Variants in TMPRSS11F observed in about 807,000 individuals in gnomAD.
TMPRSS11F encodes the protein transmembrane serine protease 11F.
In TMPRSS11F, 47 loss-of-function variants were observed where a neutral mutation model predicts 60.2. The observed-to-expected ratio is 0.78, with a 90% CI of 0.62 to 1.00. TMPRSS11F has a LOEUF of 1.00. Among genes scored for constraint, TMPRSS11F ranks in the 50% least tolerant of loss-of-function variants. TMPRSS11F has a pLI of 0.00. For missense variants in TMPRSS11F, 519 were observed against 522.9 expected, an observed-to-expected ratio of 0.99 and a Z score of 0.07; for synonymous variants, 166 against 167.3, an observed-to-expected ratio of 0.99 and a Z score of 0.06.
chr4:68,055,711 A>T (rs1449957071), intron 9 of TMPRSS11F, among the ~76,000 whole-genome samples: 1 of 152,128 alleles, frequency 6.6e-6, no homozygotes, highest in Non-Finnish European at 1.5e-5. Flanking sequence ...ATACTCCCAA[A>T]CTCATTTGAC....
At chr4:68,069,560 G>A (rs1723406478) in intron 6 of TMPRSS11F, among the ~76,000 whole-genome samples, 1 of 152,016 alleles carries the variant, frequency 6.6e-6, no homozygotes, top group African/African-American at 2.4e-5. Context: ...GGAATGTGGG[G>A]TGCAGGGCAG....
chr4:68,106,776 T>C (rs1724309114), intron 1 of TMPRSS11F, among the ~76,000 whole-genome samples: 1 of 152,180 alleles, frequency 6.6e-6, no homozygotes, highest in Non-Finnish European at 1.5e-5. Context: ...TGGGGGAAAA[T>C]ATTAAATCTT....
chr4:68,062,963 G>C (rs764262093), intron 8 of TMPRSS11F: 2 of 738,488 alleles, frequency 2.7e-6, no homozygotes, highest in Non-Finnish European at 5.0e-6. Context: ...TTCTGGAACT[G>C]ACCCGTCTTC....
chr4:68,075,990 C>T (rs748732553), intron 3 of TMPRSS11F, among the ~76,000 whole-genome samples: 1 of 148,456 alleles, frequency 6.7e-6, no homozygotes, highest in Non-Finnish European at 1.5e-5. Context: ...GAGACTCTGT[C>T]TCCAAAAAAA....
intron 2 of TMPRSS11F, among the ~76,000 whole-genome samples, chr4:68,091,356 C>A (rs376025567): frequency 6.6e-6 from 1 of 152,034 alleles, no homozygotes; most frequent in South Asian, 2.1e-4. Context: ...CACCCTTCTC[C>A]TTGGCATTCA....
chr4:68,124,986 T>C (rs1335767833), intron 1 of TMPRSS11F, among the ~76,000 whole-genome samples: 2 of 116,914 alleles, frequency 1.7e-5, no homozygotes, highest in Non-Finnish European at 3.6e-5. Context: ...CAAAAGACTT[T>C]TCAATCCTTG....
At chr4:68,075,990 C>A (rs748732553) in intron 3 of TMPRSS11F, among the ~76,000 whole-genome samples, 135 of 148,454 alleles carry the variant, frequency 9.1e-4, no homozygotes, top group Non-Finnish European at 1.5e-3. Flanking sequence ...GAGACTCTGT[C>A]TCCAAAAAAA....
chr4:68,073,441 G>A lies in TMPRSS11F; in HGVS notation c.350+501C>T, dbSNP rs112300286. Reference sequence around the variant, plus strand: ...AAGGAGAAAGGGAAAGAAGGAGAGAGGGAGGAGAGAAAAGTGGAAAGGAGA... The same window carrying A: ...AAGGAGAAAGGGAAAGAAGGAGAGAAGGAGGAGAGAAAAGTGGAAAGGAGA... On this transcript the variant is annotated intron_variant, in intron 4 of 9. Coordinates refer to ENST00000356291, the MANE Select transcript of TMPRSS11F (RefSeq NM_207407.2). 5.1e-3 allele frequency among the ~76,000 whole-genome samples: 771 copies of A among 151,940 alleles called. 9 individuals carry two copies. The highest frequency in any genetic ancestry group is 0.018 in the African/African-American group (751 of 41,442).
intron 3 of TMPRSS11F, among the ~76,000 whole-genome samples, chr4:68,079,620 A>G (rs1723652299): frequency 6.6e-6 from 1 of 152,198 alleles, no homozygotes; most frequent in South Asian, 2.1e-4. Flanking sequence ...AAACTCAGTA[A>G]TATAATGCTT....
chr4:68,100,567 G>C (rs1295160135), intron 1 of TMPRSS11F, among the ~76,000 whole-genome samples: 1 of 152,044 alleles, frequency 6.6e-6, no homozygotes, highest in African/African-American at 2.4e-5. Context: ...AAGGATTAAT[G>C]GCCCACTTGT....
intron 8 of TMPRSS11F, chr4:68,062,151 A>C: frequency 2.3e-6 from 1 of 432,378 alleles, no homozygotes; most frequent in Non-Finnish European, 4.5e-6. Context: ...ATGTTTTATA[A>C]ATAATATGTA....
At chr4:68,094,571 A>AT (rs1724032609) in intron 2 of TMPRSS11F, among the ~76,000 whole-genome samples, 3 of 147,764 alleles carry the variant, frequency 2.0e-5, no homozygotes, top group Admixed American at 2.0e-4. Flanking sequence ...AATAAATTTA[A>AT]AAATAAATAA....
At chr4:68,100,262 T>A (rs565909524) in intron 1 of TMPRSS11F, among the ~76,000 whole-genome samples, 1 of 152,254 alleles carries the variant, frequency 6.6e-6, no homozygotes, top group South Asian at 2.1e-4. Context: ...ACTGGGAGTC[T>A]CATAACCCAA....
chr4:68,128,777 A>G (rs1724762874), intron 1 of TMPRSS11F, among the ~76,000 whole-genome samples: 1 of 152,130 alleles, frequency 6.6e-6, no homozygotes, highest in Non-Finnish European at 1.5e-5. Context: ...TGTTGTATTT[A>G]GTAAGAAGTA....
chr4:68,122,342 T>G (rs1184250356), intron 1 of TMPRSS11F, among the ~76,000 whole-genome samples: 1 of 152,158 alleles, frequency 6.6e-6, no homozygotes, highest in Non-Finnish European at 1.5e-5. Flanking sequence ...TCTATTTGCA[T>G]GAAAATCCAT....
intron 3 of TMPRSS11F, among the ~76,000 whole-genome samples, chr4:68,087,281 T>C (rs1577922660): frequency 6.6e-6 from 1 of 152,236 alleles, no homozygotes; most frequent in African/African-American, 2.4e-5. Flanking sequence ...TCCCAATAGA[T>C]GCAGAAAAAG....
At chr4:68,073,775 C>T (rs572163892) in intron 4 of TMPRSS11F, among the ~76,000 whole-genome samples, 167 bp downstream of exon 4, 4 of 152,256 alleles carry the variant, frequency 2.6e-5, no homozygotes, top group African/African-American at 7.2e-5. Flanking sequence ...AAGCACCTTA[C>T]GACTTTCTAT....
intron 1 of TMPRSS11F, among the ~76,000 whole-genome samples, chr4:68,103,724 G>A (rs1290197198): frequency 1.3e-5 from 2 of 152,068 alleles, no homozygotes; most frequent in African/African-American, 4.8e-5. Flanking sequence ...TAGGGATTGT[G>A]TTAGATCTAT....
intron 3 of TMPRSS11F, among the ~76,000 whole-genome samples, chr4:68,076,284 A>C (rs183654110): frequency 5.6e-4 from 86 of 152,350 alleles, no homozygotes; most frequent in African/African-American, 2.0e-3. Flanking sequence ...TTTCTGCTTT[A>C]ACTATAGTCA....
Sources: gnomAD v4.1 joint callset for allele counts (sites outside exome capture counted in the v4.1 genomes callset) on GRCh38, gnomAD v4.1.1 for gene constraint, MANE v1.5 for transcripts, NCBI Gene and HGNC (gene_info 2026-07-23, HGNC 2026-07-21) for gene names.